ZMIZ2: variants seen among roughly 807,000 people sequenced by gnomAD.
The protein encoded by ZMIZ2 is zinc finger MIZ-type containing 2, also known as zinc finger MIZ domain-containing protein 2.
Under a neutral mutation model 93.9 loss-of-function variants are expected in ZMIZ2, and 26 were observed. That is an observed-to-expected ratio of 0.28 (90% CI 0.20 to 0.38). ZMIZ2 has a LOEUF of 0.38. Among genes scored for constraint, ZMIZ2 ranks in the 10% least tolerant of loss-of-function variants. The probability of loss-of-function intolerance (pLI) is 1.00; values close to 1 mark genes in which losing one functional copy is unlikely to be tolerated. For missense variants in ZMIZ2, 1,023 were observed against 1,235.0 expected, an observed-to-expected ratio of 0.83 and a Z score of 2.57; for synonymous variants, 485 against 516.4, an observed-to-expected ratio of 0.94 and a Z score of 0.82.
At chr7:44,758,939 G>A (rs1209050019) in intron 6 of ZMIZ2, among the ~76,000 whole-genome samples, 3 of 150,588 alleles carry the variant, frequency 2.0e-5, no homozygotes, top group South Asian at 4.2e-4. Context: ...AAAATTAGCC[G>A]GGCGTGGTGG....
chr7:44,764,522 CTGGTGCTTTTAGAGGCTTTCA>C (rs1562745233), intron 14 of ZMIZ2, 36 bp downstream of exon 14: 1 of 1,609,256 alleles, frequency 6.2e-7, no homozygotes, highest in South Asian at 1.1e-5. Context: ...GGAGGAGGGG[CTGGTGCTTTTAGAGGCTTTCA>C]TGGGTGAAAC....
chr7:44,759,567 GC>G, intron 7 of ZMIZ2, 107 bp downstream of exon 7: 3 of 893,060 alleles, frequency 3.4e-6, no homozygotes, highest in Non-Finnish European at 4.1e-6. Flanking sequence ...GGCTAAAGGG[GC>G]CAGCAGGATG....
In ZMIZ2 at chr7:44,766,054, T is replaced by C; in HGVS notation, c.2243-110T>C. 1 of 1,478,400 alleles carries C rather than the reference T, an allele frequency of 6.8e-7. No individual in the cohort carries two copies. The allele number at this position is 1,478,400 out of a possible 1,614,324, so 91.6% of individuals were successfully genotyped here. Reference sequence around the variant, plus strand: ...CTTCTGCAAAACCCGCTGTTGTTTGTGGGTGAGCACTGCAAGTCCCACCCA... The same window carrying C: ...CTTCTGCAAAACCCGCTGTTGTTTGCGGGTGAGCACTGCAAGTCCCACCCA... On this transcript the variant is annotated intron_variant, in intron 16 of 18. Coordinates refer to ENST00000309315, the MANE Select transcript of ZMIZ2 (RefSeq NM_031449.4). This position sits in a 1 kb window ranked among gnomAD's most constrained non-coding sequence, Gnocchi z 4.4.
rs1289332541 is a variant in ZMIZ2 at position 44,765,633 on chromosome 7, T to C, written c.2242+54T>C. 3 of 1,553,486 alleles carry C rather than the reference T, an allele frequency of 1.9e-6. No individual in the cohort carries two copies. The African/African-American group carries it at 4.1e-5, about 21-fold the overall frequency. ...CAGATGACCCTGGGCATATGGCTCC[T>C]CTCCCCAGATCAGTCTCCTCACCTG... On this transcript the variant is annotated intron_variant, in intron 16 of 18. Coordinates refer to ENST00000309315, the MANE Select transcript of ZMIZ2 (RefSeq NM_031449.4). The surrounding 1 kb of genome is among the most constrained non-coding windows in gnomAD (Gnocchi z 4.1).
In ZMIZ2 at chr7:44,756,132, C is replaced by G. The variant is rs537009382; in HGVS notation, c.-62-56C>G. On this transcript the variant is annotated intron_variant, in intron 1 of 18. Transcript: ENST00000309315. ...CTGGCACCGGGGTCCCTCCACCCTG[C>G]TGAAAGGGTCTCCTGGCTGCATCGC... The G allele has an allele frequency of 2.5e-5, 36 of 1,453,930 alleles. No individual in the cohort carries two copies. The East Asian group carries it at 8.5e-4, about 34-fold the overall frequency. 90.1% of individuals were successfully genotyped at this position (1,453,930 alleles called of 1,614,324 possible). A position where few individuals can be genotyped will look rare whatever the true frequency, so the allele number is the denominator to read the frequency against.
rs1583655434 is a variant in ZMIZ2 at position 44,764,874 on chromosome 7, G to A, written c.1929-67G>A. On this transcript the variant is annotated intron_variant, in intron 14 of 18. Transcript: ENST00000309315. The stretch of plus-strand genomic sequence containing the variant: ...GTCACAGCTGACAGGGCTGAGAAAT[G>A]ACAGGGCCTGTGCCCAGGACAGGGT... The A allele has an allele frequency of 9.7e-6, 15 of 1,553,392 alleles. No homozygotes were observed. In the East Asian group the frequency reaches 3.4e-4, roughly 35 times the overall value.
chr7:44,754,262 TTGCCTAGAGTCCAGG>T (rs1176681677), intron 1 of ZMIZ2, among the ~76,000 whole-genome samples: 1 of 152,176 alleles, frequency 6.6e-6, no homozygotes, highest in East Asian at 1.9e-4. Context: ...AGGCCTGTTC[TTGCCTAGAGTCCAGG>T]TGCCTGGAGC....
rs909233866 is a variant in ZMIZ2, at chr7:44,761,994, G to T, written c.1596+89G>T. The T allele has an allele frequency of 1.9e-5, 18 of 949,056 alleles. No individual in the cohort carries two copies. In the South Asian group the frequency reaches 2.2e-4, roughly 12 times the overall value. 58.8% of individuals were successfully genotyped at this position (949,056 alleles called of 1,614,324 possible). A position where few individuals can be genotyped will look rare whatever the true frequency, so the allele number is the denominator to read the frequency against. On this transcript the variant is annotated intron_variant, in intron 11 of 18. Coordinates refer to ENST00000309315, the MANE Select transcript of ZMIZ2 (RefSeq NM_031449.4). This position sits in a 1 kb window ranked among gnomAD's most constrained non-coding sequence, Gnocchi z 5.8. ...CAGCGGTGCCGTGGGGTGGGGCGGG[G>T]TGTGGGCGGGGCCTGGCCCAGCGGC...
At chr7:44,758,388 C>G (rs552941093) in intron 6 of ZMIZ2, among the ~76,000 whole-genome samples, 1 of 150,814 alleles carries the variant, frequency 6.6e-6, no homozygotes, top group East Asian at 2.0e-4. Context: ...GGAGGATCGC[C>G]TGAACCCAGA....
intron 1 of ZMIZ2, among the ~76,000 whole-genome samples, chr7:44,753,926 G>A (rs1250554718): frequency 6.6e-6 from 1 of 152,218 alleles, no homozygotes; most frequent in Non-Finnish European, 1.5e-5. Flanking sequence ...TGGTTGGAAA[G>A]GCTGTCCTTC....
intron 7 of ZMIZ2, 127 bp from the exon 8 acceptor site, chr7:44,760,024 T>G (rs1791007712): frequency 3.2e-6 from 3 of 950,026 alleles, no homozygotes; most frequent in Non-Finnish European, 4.9e-6. Context: ...GTGTTACTTG[T>G]AGATTATTTG....
In ZMIZ2 at chr7:44,765,478, C is replaced by T; in HGVS notation, c.2141C>T (p.Pro714Leu). ...RTVSPAHVLMPSVMEMIAALG... is the reference protein window; with the variant it reads ...RTVSPAHVLMLSVMEMIAALG... ...GTGAGCCCCGCCCACGTGCTCATGC[C>T]CAGCGTGATGGAGATGATCGCCGCC... Residue 714 changes from proline to leucine, a missense_variant, in exon 16 of 19, where the codon CCC becomes CTC. By Grantham distance (98) the Pro-to-Leu change is moderately conservative. Transcript: ENST00000309315. The surrounding 1 kb of genome is among the most constrained non-coding windows in gnomAD (Gnocchi z 4.1). The T allele has an allele frequency of 6.2e-7, 1 of 1,603,004 alleles. No individual in the cohort carries two copies. Among genetic ancestry groups the T allele is most frequent in the Non-Finnish European group, 8.5e-7 (1 of 1,179,820 alleles).
Position 44,766,371 on chromosome 7 carries a change from C to A in ZMIZ2, c.2412+38C>A. 1 of 1,610,690 alleles carries A rather than the reference C, an allele frequency of 6.2e-7. No individual in the cohort carries two copies. Among genetic ancestry groups the A allele is most frequent in the South Asian group, 1.1e-5 (1 of 90,834 alleles). On this transcript the variant is annotated intron_variant, in intron 17 of 18. Transcript: ENST00000309315. This position sits in a 1 kb window ranked among gnomAD's most constrained non-coding sequence, Gnocchi z 4.4. ...CCGAGAGGCCAAGGGGCCCTGTCTC[C>A]CCAGGGGAGCCCCTGAGCTGTTTTA... is the stretch of plus-strand genomic sequence containing the variant.
Position 44,759,455 on chromosome 7 carries a change from T to C in ZMIZ2, c.988T>C (p.Tyr330His), listed in dbSNP as rs770218282. ...CGTGCCTGGCCCCACGGGACTGCAT[T>C]ATAAGGTAGGGCAGGCTCCTCCAGG... Reference protein sequence around the residue: ...LSVPGPTGLHYKPTEQFNGQG... With the variant: ...LSVPGPTGLHHKPTEQFNGQG... The change falls in exon 7 of 19, where the codon TAT becomes CAT. Residue 330 changes from tyrosine (Y) to histidine (H), a missense_variant. Physicochemically the swap from Tyr to His is moderately conservative, Grantham distance 83. Transcript: ENST00000309315. The C allele has an allele frequency of 3.3e-6, 5 of 1,536,022 alleles. No individual in the cohort carries two copies. The highest frequency in any genetic ancestry group is 1.4e-5 in the African/African-American group (1 of 71,320).
rs778824056 is a variant in ZMIZ2, at chr7:44,763,314, C to A, written c.1761C>A (p.Asp587Glu). The A allele has an allele frequency of 6.2e-7, 1 of 1,614,092 alleles. No homozygotes were observed. Among genetic ancestry groups the A allele is most frequent in the South Asian group, 1.1e-5 (1 of 91,076 alleles). The change falls in exon 13 of 19, where the codon GAC becomes GAA. Residue 587 changes from aspartate (D) to glutamate (E), a missense_variant. This residue lies in a region of ZMIZ2 where 48 missense variants were observed against 99.1 expected (regional missense o/e 0.48). Transcript: ENST00000309315. The surrounding 1 kb of genome is among the most constrained non-coding windows in gnomAD (Gnocchi z 5.6). Reference protein sequence around the residue: ...IPGTPGPNGEDGVEQTAIKVS... With the variant: ...IPGTPGPNGEEGVEQTAIKVS... ...GCACCCCTGGGCCCAACGGAGAGGA[C>A]GGGGTGGAGCAGACAGCTATCAAGG... is the stretch of plus-strand genomic sequence containing the variant.
At position 44,767,767 on chromosome 7, in the gene ZMIZ2, A is replaced by G. The variant is rs961766563; in HGVS notation, c.*144A>G. 1.4e-6 allele frequency: 1 copy of G among 728,554 alleles called. No homozygotes were observed. Among genetic ancestry groups the G allele is most frequent in the Non-Finnish European group, 2.3e-6 (1 of 432,858 alleles). The allele number at this position is 728,554 out of a possible 1,614,324, so 45.1% of individuals were successfully genotyped here. A position where few individuals can be genotyped will look rare whatever the true frequency, so the allele number is the denominator to read the frequency against. On this transcript the variant is annotated 3_prime_UTR_variant, in exon 19 of 19. Coordinates refer to ENST00000309315, the MANE Select transcript of ZMIZ2 (RefSeq NM_031449.4). ...CCTGGAGCCAGAGCCTTCTGCCGCC[A>G]GCCCTGCCCCTGAATTGGAAGCAGC...
rs999086378 is a variant in ZMIZ2, at chr7:44,769,488, T to C, written c.*1865T>C. On this transcript the variant is annotated 3_prime_UTR_variant, in exon 19 of 19. Transcript: ENST00000309315. ...CCCTCTCTGGATGAGGGAACAGAAG[T>C]GGAGGAAACAAAAGAAGCAGCAGCA... is the stretch of plus-strand genomic sequence containing the variant. 1 of 152,514 alleles carries C rather than the reference T, an allele frequency of 6.6e-6. No individual in the cohort carries two copies. Among genetic ancestry groups the C allele is most frequent in the Non-Finnish European group, 1.5e-5 (1 of 68,058 alleles). 9.4% of individuals were successfully genotyped at this position (152,514 alleles called of 1,614,324 possible).
Position 44,760,234 on chromosome 7 carries a change from G to A in ZMIZ2, c.1071+6G>A. 3 of 1,609,760 alleles carry A rather than the reference G, an allele frequency of 1.9e-6. No individual in the cohort carries two copies. The highest frequency in any genetic ancestry group is 2.5e-6 in the Non-Finnish European group (3 of 1,177,800). ...GCCAACCTGGCCTGAGTGGGGTAGG[G>A]GGCCTGGCCGGGAGGATGGGCCGGG... On this transcript the variant is annotated splice_donor_region_variant and intron_variant, in intron 8 of 18. Coordinates refer to ENST00000309315, the MANE Select transcript of ZMIZ2 (RefSeq NM_031449.4).
In ZMIZ2 at chr7:44,757,434, C is replaced by G. The variant is rs1424986600; in HGVS notation, c.425C>G (p.Thr142Ser). The G allele has an allele frequency of 1.2e-6, 2 of 1,606,208 alleles. No homozygotes were observed. The highest frequency in any genetic ancestry group is 1.1e-5 in the South Asian group (1 of 91,074). Residue 142 changes from threonine to serine, a missense_variant, in exon 5 of 19, where the codon ACT (threonine) becomes AGT (serine). Around this residue, in one of 3 missense-constraint regions of ZMIZ2, gnomAD observed 656 missense variants for 777.1 expected, o/e 0.84. Coordinates refer to ENST00000309315, the MANE Select transcript of ZMIZ2 (RefSeq NM_031449.4). ...CCCTCACATGCTGCAAGACCCTCCACTGACTTCACGCAAGCGGCAGCTGCT... is the reference window on the plus strand; with the variant it reads ...CCCTCACATGCTGCAAGACCCTCCAGTGACTTCACGCAAGCGGCAGCTGCT... ...GLPSHAARPS[T>S]DFTQAAAAAA...
Sources: allele counts gnomAD v4.1 joint callset (sites outside exome capture counted in the v4.1 genomes callset), GRCh38; gene constraint gnomAD v4.1.1; regional missense constraint gnomAD v4.1.1; non-coding constraint Gnocchi (gnomAD v3.1); transcripts MANE v1.5; gene names NCBI Gene and HGNC (gene_info 2026-07-23, HGNC 2026-07-21).